Variants in ADAMTS2 observed in about 807,000 individuals in gnomAD.
ADAMTS2 encodes A disintegrin and metalloproteinase with thrombospondin motifs 2.
ADAMTS2 carries 50 observed loss-of-function variants against 123.0 expected under a neutral mutation model. That is an observed-to-expected ratio of 0.41 (90% CI 0.32 to 0.51). The LOEUF is 0.51. ADAMTS2 is among the 20% of genes least tolerant of loss of function. The probability of loss-of-function intolerance (pLI) is 0.35; values close to 1 mark genes in which losing one functional copy is unlikely to be tolerated. For missense variants in ADAMTS2, 1,494 were observed against 1,705.2 expected, an observed-to-expected ratio of 0.88 and a Z score of 2.18; for synonymous variants, 678 against 695.4, an observed-to-expected ratio of 0.98 and a Z score of 0.39.
At chr5:179,222,614 G>A (rs1765152586) in intron 3 of ADAMTS2, among the ~76,000 whole-genome samples, 1 of 152,234 alleles carries the variant, frequency 6.6e-6, no homozygotes, top group Non-Finnish European at 1.5e-5. Flanking sequence ...TAAAAGGCTG[G>A]GGTTTCCTCT....
At chr5:179,300,327 G>C (rs764837585) in intron 2 of ADAMTS2, among the ~76,000 whole-genome samples, 1 of 152,064 alleles carries the variant, frequency 6.6e-6, no homozygotes, top group East Asian at 1.9e-4. Context: ...GGATTTCATG[G>C]TTTTTGCTTT....
At chr5:179,229,171 G>A (rs560342836) in intron 3 of ADAMTS2, among the ~76,000 whole-genome samples, 4 of 152,346 alleles carry the variant, frequency 2.6e-5, no homozygotes, top group African/African-American at 9.6e-5. Context: ...ACAGGCTTCT[G>A]TCAGAGAATC....
rs75215147 is a variant in ADAMTS2 at position 179,116,886 on chromosome 5, G to A, written c.3179-2562C>T. On this transcript the variant is annotated intron_variant, in intron 21 of 21. Coordinates refer to ENST00000251582, the MANE Select transcript of ADAMTS2 (RefSeq NM_014244.5). ...ACCCATCGGCCATCAGGAGAAGTGGGGATCTCCCTGACACTGAGCCCAAGA... is the reference window on the plus strand; with the variant it reads ...ACCCATCGGCCATCAGGAGAAGTGGAGATCTCCCTGACACTGAGCCCAAGA... Among the ~76,000 whole-genome samples, 1,379 of 152,090 alleles carry A rather than the reference G, an allele frequency of 9.1e-3. 21 individuals carry two copies. Among genetic ancestry groups the A allele is most frequent in the African/African-American group, 0.032 (1,311 of 41,466 alleles).
intron 4 of ADAMTS2, among the ~76,000 whole-genome samples, chr5:179,204,067 T>C (rs1401417726): frequency 6.6e-6 from 1 of 152,214 alleles, no homozygotes; most frequent in African/African-American, 2.4e-5. Flanking sequence ...CCCGAGGATG[T>C]CATGCTAAGT....
chr5:179,322,338 G>A (rs543777391), intron 2 of ADAMTS2, among the ~76,000 whole-genome samples: 43 of 152,288 alleles, frequency 2.8e-4, no homozygotes, highest in Non-Finnish European at 5.3e-4. Context: ...CAGTCCTCAC[G>A]GGGCCATCTC....
chr5:179,160,245 G>A (rs982639484), intron 5 of ADAMTS2, among the ~76,000 whole-genome samples: 1 of 152,168 alleles, frequency 6.6e-6, no homozygotes, highest in Admixed American at 6.5e-5. Context: ...GATCACCTGA[G>A]GTCAGGAGTT....
At chr5:179,172,211 G>A (rs537340637) in intron 5 of ADAMTS2, among the ~76,000 whole-genome samples, 1 of 152,218 alleles carries the variant, frequency 6.6e-6, no homozygotes, top group South Asian at 2.1e-4. Context: ...GAGCTGCCCT[G>A]GTTTGCTGGC....
At chr5:179,296,655 C>T (rs948545034) in intron 2 of ADAMTS2, among the ~76,000 whole-genome samples, 21 of 151,998 alleles carry the variant, frequency 1.4e-4, no homozygotes, top group African/African-American at 4.6e-4. Flanking sequence ...TCCCCAGGGG[C>T]GGCCTGGGCA....
intron 2 of ADAMTS2, among the ~76,000 whole-genome samples, chr5:179,299,750 C>T (rs975124031): frequency 7.9e-5 from 12 of 151,844 alleles, no homozygotes; most frequent in Admixed American, 1.3e-4. Flanking sequence ...AAGCCAGCAC[C>T]GGAGCATCTA....
In ADAMTS2 at chr5:179,343,771, C is replaced by T. The variant is rs1308664124; in HGVS notation, c.530G>A (p.Gly177Glu). The T allele has an allele frequency of 1.2e-6, 2 of 1,610,994 alleles. No individual in the cohort carries two copies. The highest frequency in any genetic ancestry group is 8.5e-7 in the Non-Finnish European group (1 of 1,179,662). Residue 177 changes from glycine (G) to glutamate (E), a missense_variant, in exon 2 of 22, where the codon GGG (glycine) becomes GAG (glutamate). By Grantham distance (98) the Gly-to-Glu change is moderately conservative. This residue lies in a region of ADAMTS2 where 3 missense variants were observed against 16.7 expected (regional missense o/e 0.18). Transcript: ENST00000251582. The part of the protein sequence containing the change: ...ASSVALSNCD[G>E]LAGLIRMEEE... The stretch of plus-strand genomic sequence containing the variant: ...GCTAGAGAAGTGCGTACTCACCAGC[C>T]CATCGCAGTTGCTGAGCGCCACAGA...
chr5:179,299,967 GC>G (rs1198573679), intron 2 of ADAMTS2, among the ~76,000 whole-genome samples: 1 of 151,540 alleles, frequency 6.6e-6, no homozygotes, highest in Non-Finnish European at 1.5e-5. Flanking sequence ...GGTGGCAGGC[GC>G]CTGTAGTCCC....
intron 3 of ADAMTS2, among the ~76,000 whole-genome samples, chr5:179,240,454 G>A (rs192109531): frequency 5.3e-4 from 81 of 152,284 alleles, no homozygotes; most frequent in African/African-American, 1.7e-3. Flanking sequence ...GTGACAAGGC[G>A]GCAGCATCAA....
chr5:179,287,823 A>AAGAC (rs1428132682), intron 2 of ADAMTS2, among the ~76,000 whole-genome samples: 1 of 152,138 alleles, frequency 6.6e-6, no homozygotes, highest in African/African-American at 2.4e-5. Context: ...CAGTGTGGGG[A>AAGAC]AGACACACTA....
chr5:179,313,238 G>A (rs1480275100), intron 2 of ADAMTS2, among the ~76,000 whole-genome samples: 4 of 143,426 alleles, frequency 2.8e-5, no homozygotes, highest in Non-Finnish European at 4.6e-5. Flanking sequence ...ACAGAGGAGG[G>A]CCTGGCCAGA....
In ADAMTS2 at chr5:179,114,080, C is replaced by T. The variant is rs886060490; in HGVS notation, c.3423G>A (p.Glu1141=). 35 of 1,614,012 alleles carry T rather than the reference C, an allele frequency of 2.2e-5. No homozygotes were observed. Among genetic ancestry groups the T allele is most frequent in the Non-Finnish European group, 3.0e-5 (35 of 1,180,030 alleles). Residue 1141 remains glutamate (E), a synonymous_variant, in exon 22 of 22, where the codon GAG becomes GAA. Transcript: ENST00000251582. The stretch of plus-strand genomic sequence containing the variant: ...TGGTGCTGGAGGCATTGAGAGGGAC[C>T]TCCAGGGGGGTGCTTGGTGATGGCC... ...EVRPSPSTPL[E]VPLNASSTNA...
chr5:179,152,314 G>A, intron 9 of ADAMTS2, 59 bp from the exon 10 acceptor site: 1 of 1,531,894 alleles, frequency 6.5e-7, no homozygotes, highest in East Asian at 2.3e-5. Context: ...TCCCAGGGAT[G>A]CCACCCACCC....
chr5:179,125,222 C>G (rs773028682), intron 18 of ADAMTS2, 42 bp from the exon 19 acceptor site: 22 of 1,589,974 alleles, frequency 1.4e-5, no homozygotes, highest in Non-Finnish European at 1.8e-5. Context: ...TCCGCAGCAC[C>G]TGGAGAACCT....
intron 2 of ADAMTS2, among the ~76,000 whole-genome samples, chr5:179,337,343 T>A (rs1757639734): frequency 6.6e-6 from 1 of 151,412 alleles, no homozygotes; most frequent in Admixed American, 6.6e-5. Flanking sequence ...CCATGCTCAC[T>A]CAAATGCACA....
chr5:179,239,172 G>A (rs1057092923), intron 3 of ADAMTS2, among the ~76,000 whole-genome samples: 5 of 152,188 alleles, frequency 3.3e-5, no homozygotes, highest in African/African-American at 7.2e-5. Context: ...GGGGAGGCAG[G>A]GAGGTCTGCT....
Sources: allele counts gnomAD v4.1 joint callset (sites outside exome capture counted in the v4.1 genomes callset), GRCh38; gene constraint gnomAD v4.1.1; regional missense constraint gnomAD v4.1.1; transcripts MANE v1.5; gene names NCBI Gene and HGNC (gene_info 2026-07-23, HGNC 2026-07-21).